The following MCPH1 variants were observed in gnomAD, a reference collection of about 807,000 sequenced individuals.
The protein encoded by MCPH1 is microcephalin.
Under a neutral mutation model 84.5 loss-of-function variants are expected in MCPH1, and 104 were observed. That is an observed-to-expected ratio of 1.23 (90% confidence interval 1.05 to 1.45). MCPH1 has a LOEUF of 1.45. MCPH1 is among the 40% of genes most tolerant of loss of function. MCPH1 has a pLI of 0.00. For synonymous variants in MCPH1, 514 were observed against 366.8 expected (o/e 1.40, Z -4.58); for missense variants, 1,498 against 1,005.7 (o/e 1.49, Z -6.62).
At chr8:6,510,165 T>TC (rs1290932574) in intron 12 of MCPH1, among the ~76,000 whole-genome samples, 1 of 151,426 alleles carries the variant, frequency 6.6e-6, no homozygotes, top group South Asian at 2.1e-4. Flanking sequence ...TTTCTTTTTT[T>TC]TTTTTTATTT....
chr8:6,409,622 G>A (rs979177889), intron 2 of MCPH1, among the ~76,000 whole-genome samples: 2 of 152,102 alleles, frequency 1.3e-5, no homozygotes, highest in African/African-American at 4.8e-5. Context: ...TTACTTGAAT[G>A]CATAGTGCTA....
In MCPH1 at chr8:6,445,548, G is replaced by A. The variant is rs749375288; in HGVS notation, c.1825+1G>A. On this transcript the variant is annotated splice_donor_variant, in intron 8 of 13. Coordinates refer to ENST00000344683, the MANE Select transcript of MCPH1 (RefSeq NM_024596.5). LOFTEE classifies it high-confidence loss of function. ...AACTTACCCGGAGGATACAGTGGAA[G>A]TATGTGAATCTCCTTTTCCAAGTCA... 7 of 1,581,500 alleles carry A rather than the reference G, an allele frequency of 4.4e-6. No individual in the cohort carries two copies. Among genetic ancestry groups the A allele is most frequent in the South Asian group, 1.2e-5 (1 of 85,248 alleles).
At chr8:6,603,065 C>T (rs182884024) in intron 12 of MCPH1, among the ~76,000 whole-genome samples, 1 of 151,962 alleles carries the variant, frequency 6.6e-6, no homozygotes, top group Non-Finnish European at 1.5e-5. Flanking sequence ...TTGCCATTCT[C>T]CCCCAAACAC....
chr8:6,527,781 A>T, intron 12 of MCPH1: 2 of 1,095,800 alleles, frequency 1.8e-6, no homozygotes, highest in Non-Finnish European at 2.5e-6. Flanking sequence ...CATAACAAAA[A>T]CATTATTTAT....
intron 12 of MCPH1, among the ~76,000 whole-genome samples, chr8:6,526,478 A>T (rs1586371670): frequency 6.6e-6 from 1 of 152,030 alleles, no homozygotes; most frequent in Non-Finnish European, 1.5e-5. Context: ...CAGGATTGTT[A>T]TATCTCAATG....
chr8:6,465,935 C>CCATG (rs759878567), intron 9 of MCPH1, among the ~76,000 whole-genome samples: 1 of 114,582 alleles, frequency 8.7e-6, no homozygotes, highest in African/African-American at 3.2e-5. Context: ...ATCCATCCAT[C>CCATG]CATCCATCCA....
chr8:6,623,942 C>T (rs1267640603), intron 13 of MCPH1, among the ~76,000 whole-genome samples: 9 of 152,318 alleles, frequency 5.9e-5, no homozygotes, highest in Admixed American at 3.9e-4. Context: ...ATCCACAGTG[C>T]ATATCAACAG....
intron 12 of MCPH1, chr8:6,527,746 T>C (rs1586382478): frequency 7.3e-7 from 1 of 1,361,328 alleles, no homozygotes; most frequent in Non-Finnish European, 1.0e-6. Flanking sequence ...TTCCTTTTCA[T>C]TAAAGTACCC....
At chr8:6,493,708 C>T (rs544958775) in intron 11 of MCPH1, among the ~76,000 whole-genome samples, 2 of 152,176 alleles carry the variant, frequency 1.3e-5, no homozygotes, top group South Asian at 2.1e-4. Flanking sequence ...TGTGACCCAG[C>T]ATTAGGTCCC....
chr8:6,526,703 G>C (rs1021458636), intron 12 of MCPH1, among the ~76,000 whole-genome samples: 1 of 152,118 alleles, frequency 6.6e-6, no homozygotes, highest in African/African-American at 2.4e-5. Flanking sequence ...TTTTGGTTAA[G>C]AATAAAGAAT....
chr8:6,501,336 A>T (rs1812135786), intron 12 of MCPH1: 1 of 152,224 alleles, frequency 6.6e-6, no homozygotes, highest in Non-Finnish European at 1.5e-5. Flanking sequence ...GTGAAGACAG[A>T]CATATAGTAG....
intron 12 of MCPH1, chr8:6,621,186 C>T: frequency 5.9e-6 from 3 of 504,288 alleles, no homozygotes. Context: ...TTGTTTGAGG[C>T]TTTGGAATAA....
In MCPH1 at chr8:6,414,653, C is replaced by G. The variant is rs1017543356; in HGVS notation, c.115-112C>G. ...GCGTTATGCATTCCTTTGAGTGTTT[C>G]TCTGTCAGATGTTGAGAAACAGAAT... On this transcript the variant is annotated intron_variant, in intron 2 of 13. Transcript: ENST00000344683. The G allele has an allele frequency of 8.6e-6, 10 of 1,164,660 alleles. No homozygotes were observed. In the African/African-American group the frequency reaches 1.2e-4, roughly 14 times the overall value. 72.1% of individuals were successfully genotyped at this position (1,164,660 alleles called of 1,614,324 possible). A position where few individuals can be genotyped will look rare whatever the true frequency, so the allele number is the denominator to read the frequency against.
Position 6,411,472 on chromosome 8 carries a change from GC to G in MCPH1, c.114+2104del, listed in dbSNP as rs879578822. On this transcript the variant is annotated intron_variant, in intron 2 of 13. Transcript: ENST00000344683. ...GTGATGATGCTGGCAATTCAGATAT[GC>G]CAGAGAAGCCTTAAGGTGCTTTAAG... Among the ~76,000 whole-genome samples the G allele has an allele frequency of 5.3e-5, 8 of 152,204 alleles. 1 individual carries two copies. Among genetic ancestry groups the G allele is most frequent in the Admixed American group, 5.2e-4 (8 of 15,290 alleles).
At chr8:6,611,243 C>T (rs1467154690) in intron 12 of MCPH1, among the ~76,000 whole-genome samples, 1 of 152,138 alleles carries the variant, frequency 6.6e-6, no homozygotes, top group Non-Finnish European at 1.5e-5. Flanking sequence ...TCCTACAATC[C>T]AATTGTGGCA....
chr8:6,441,453 C>A (rs1343000647), intron 6 of MCPH1, among the ~76,000 whole-genome samples: 3 of 152,068 alleles, frequency 2.0e-5, no homozygotes, highest in African/African-American at 4.8e-5. Flanking sequence ...TAAAAAATAT[C>A]TTTGGATATA....
intron 12 of MCPH1, among the ~76,000 whole-genome samples, chr8:6,505,627 A>T (rs11786210): frequency 8.9e-6 from 1 of 112,780 alleles, no homozygotes; most frequent in African/African-American, 3.0e-5. Flanking sequence ...ATATTTATAT[A>T]TGAATGTATA....
rs760734024 is a variant in MCPH1, at chr8:6,406,632, C to A, written c.-36C>A. 2.5e-6 allele frequency: 4 copies of A among 1,609,292 alleles called. No homozygotes were observed. The Admixed American group carries it at 5.0e-5, about 20-fold the overall frequency. ...GCGCGCGCCGCCAGGCTCGCAAGCA[C>A]CGCGTAGGCCAGCTGGCCGGATCCC... On this transcript the variant is annotated 5_prime_UTR_variant, in exon 1 of 14. Transcript: ENST00000344683.
chr8:6,484,167 G>T (rs1349885120), intron 11 of MCPH1, among the ~76,000 whole-genome samples: 1 of 152,122 alleles, frequency 6.6e-6, no homozygotes, highest in East Asian at 1.9e-4. Context: ...TCTGACAAAA[G>T]ATTTATGTCT....
Sources: gnomAD v4.1 joint callset for allele counts (sites outside exome capture counted in the v4.1 genomes callset) on GRCh38, gnomAD v4.1.1 for gene constraint, MANE v1.5 for transcripts, NCBI Gene and HGNC (gene_info 2026-07-23, HGNC 2026-07-21) for gene names.